Variants in CDH12 observed in about 807,000 individuals in gnomAD.
The protein encoded by CDH12 is cadherin 12, also known as cadherin-12.
CDH12 carries 41 observed loss-of-function variants against 74.1 expected under a neutral mutation model. That is an observed-to-expected ratio of 0.55 (90% CI 0.43 to 0.72). The LOEUF (loss-of-function observed/expected upper bound fraction) is 0.72, where lower values mean the gene tolerates loss of function less well. Ranked by LOEUF, CDH12 falls within the 30% of genes least tolerant of loss-of-function variation. The pLI is 0.00. For missense variants in CDH12, 945 were observed against 977.2 expected, an observed-to-expected ratio of 0.97 and a Z score of 0.44; for synonymous variants, 399 against 355.0, an observed-to-expected ratio of 1.12 and a Z score of -1.39.
chr5:22,442,780 A>T (rs1442461550), intron 2 of CDH12, among the ~76,000 whole-genome samples: 1 of 152,138 alleles, frequency 6.6e-6, no homozygotes, highest in Non-Finnish European at 1.5e-5. Context: ...ACTGACTAAA[A>T]ATAGTTGAGG....
chr5:22,639,450 T>C (rs78018361), intron 1 of CDH12, among the ~76,000 whole-genome samples: 6 of 127,716 alleles, frequency 4.7e-5, no homozygotes, highest in South Asian at 2.5e-4. Context: ...TTTTTTTTTT[T>C]CAAATTTTCA....
intron 4 of CDH12, among the ~76,000 whole-genome samples, chr5:22,160,692 A>G (rs1400575752): frequency 2.6e-5 from 4 of 152,138 alleles, no homozygotes; most frequent in Admixed American, 1.3e-4. Context: ...TTCGTAGGTC[A>G]CACCTTTTGG....
intron 3 of CDH12, among the ~76,000 whole-genome samples, chr5:22,287,215 C>T (rs914255671): frequency 3.3e-5 from 5 of 152,168 alleles, no homozygotes; most frequent in African/African-American, 4.8e-5. Flanking sequence ...TAAGAAGAGT[C>T]TCCTTTTGCC....
At chr5:22,470,026 A>G (rs1021520525) in intron 2 of CDH12, among the ~76,000 whole-genome samples, 2 of 152,152 alleles carry the variant, frequency 1.3e-5, no homozygotes, top group African/African-American at 4.8e-5. Context: ...AGAAAATGAA[A>G]TCTGCTGAGT....
intron 3 of CDH12, among the ~76,000 whole-genome samples, chr5:22,320,690 G>A (rs138943618): frequency 9.6e-4 from 146 of 152,242 alleles, no homozygotes; most frequent in Non-Finnish European, 9.0e-4. Flanking sequence ...ACATGAGATC[G>A]TTTGCTTTTC....
chr5:22,618,398 G>A (rs964207602), intron 1 of CDH12, among the ~76,000 whole-genome samples: 1 of 152,066 alleles, frequency 6.6e-6, no homozygotes, highest in Admixed American at 6.6e-5. Flanking sequence ...TCAGATATAC[G>A]CAATGGCAGC....
chr5:22,520,469 A>C (rs953579989), intron 1 of CDH12, among the ~76,000 whole-genome samples: 2 of 152,162 alleles, frequency 1.3e-5, no homozygotes, highest in Admixed American at 6.5e-5. Flanking sequence ...AACCTAAAGA[A>C]CACTTATGGA....
chr5:21,807,867 G>A (rs1747520482), intron 9 of CDH12, among the ~76,000 whole-genome samples: 1 of 151,996 alleles, frequency 6.6e-6, no homozygotes, highest in Admixed American at 6.6e-5. Context: ...TATATAATTA[G>A]GGTCCCTAAT....
Position 21,814,620 on chromosome 5 carries a change from G to A in CDH12, c.1002+2325C>T, listed in dbSNP as rs367658645. Among the ~76,000 whole-genome samples the A allele has an allele frequency of 1.2e-4, 18 of 150,900 alleles. No homozygotes were observed. In the East Asian group the frequency reaches 3.5e-3, roughly 29 times the overall value. ...AAAACATAAACATAAAACTATGTGTGTGAATATAAAGTAAGTTACAATAAT... is the reference window on the plus strand; with the variant it reads ...AAAACATAAACATAAAACTATGTGTATGAATATAAAGTAAGTTACAATAAT... On this transcript the variant is annotated intron_variant, in intron 9 of 14. Transcript: ENST00000382254.
In CDH12 at chr5:22,541,266, G is replaced by A. The variant is rs565758541; in HGVS notation, c.-522-35902C>T. ...AATCCCACCTGGCTATGCAGCTGCT[G>A]CAGGGCTTTGGCAGTTCGCCAGAAA... On this transcript the variant is annotated intron_variant, in intron 1 of 14. Coordinates refer to ENST00000382254, the MANE Select transcript of CDH12 (RefSeq NM_004061.5). 8.5e-5 allele frequency among the ~76,000 whole-genome samples: 13 copies of A among 152,328 alleles called. No individual in the cohort carries two copies. In the South Asian group the frequency reaches 2.7e-3, roughly 32 times the overall value.
intron 6 of CDH12, among the ~76,000 whole-genome samples, chr5:21,879,508 T>C (rs781161072): frequency 9.9e-5 from 15 of 152,194 alleles, no homozygotes; most frequent in Non-Finnish European, 2.2e-4. Flanking sequence ...AAAAGTTGAA[T>C]TAACTATACT....
rs981768658 is a variant in CDH12, at chr5:22,324,359, T to G, written c.-333+80898A>C. ...TTTTTATTCATGAGAAAAAGCTACC[T>G]AGCTTTATATATCTATATGTAATAG... On this transcript the variant is annotated intron_variant, in intron 3 of 14. Coordinates refer to ENST00000382254, the MANE Select transcript of CDH12 (RefSeq NM_004061.5). Among the ~76,000 whole-genome samples the G allele has an allele frequency of 7.2e-5, 11 of 152,162 alleles. No individual in the cohort carries two copies. In the East Asian group the frequency reaches 1.9e-3, roughly 27 times the overall value.
chr5:21,921,417 T>C (rs962042209), intron 6 of CDH12, among the ~76,000 whole-genome samples: 1 of 152,222 alleles, frequency 6.6e-6, no homozygotes, highest in African/African-American at 2.4e-5. Context: ...TGTTCTTTTT[T>C]TGAATTTGAC....
intron 1 of CDH12, among the ~76,000 whole-genome samples, chr5:22,635,773 G>C (rs979078116): frequency 6.6e-6 from 1 of 152,060 alleles, no homozygotes; most frequent in Non-Finnish European, 1.5e-5. Flanking sequence ...AATTAGCTGG[G>C]CGTAGTGGCA....
intron 1 of CDH12, among the ~76,000 whole-genome samples, chr5:22,684,013 G>A (rs1382811732): frequency 6.6e-6 from 1 of 152,176 alleles, no homozygotes; most frequent in Non-Finnish European, 1.5e-5. Flanking sequence ...CTGCAGTTAA[G>A]GACAATGTTA....
At chr5:21,940,732 A>C (rs1329113903) in intron 6 of CDH12, among the ~76,000 whole-genome samples, 4 of 152,184 alleles carry the variant, frequency 2.6e-5, no homozygotes, top group African/African-American at 9.7e-5. Context: ...ATGATATACA[A>C]TTGCTTCATG....
intron 4 of CDH12, among the ~76,000 whole-genome samples, chr5:22,082,357 T>G (rs1054520406): frequency 3.3e-5 from 5 of 152,146 alleles, no homozygotes; most frequent in Non-Finnish European, 5.9e-5. Flanking sequence ...GGGCCATTAT[T>G]AAGTAACCTA....
At chr5:21,799,746 G>C (rs1463434988) in intron 10 of CDH12, among the ~76,000 whole-genome samples, 1 of 152,310 alleles carries the variant, frequency 6.6e-6, no homozygotes, top group East Asian at 1.9e-4. Context: ...ATGTCACCAG[G>C]CTTGTGGAAT....
intron 3 of CDH12, among the ~76,000 whole-genome samples, chr5:22,329,920 T>G (rs545746260): frequency 6.6e-6 from 1 of 152,292 alleles, no homozygotes; most frequent in South Asian, 2.1e-4. Flanking sequence ...TGAAAGCCAG[T>G]CTAGGACACA....
Sources: gnomAD v4.1 joint callset for allele counts (sites outside exome capture counted in the v4.1 genomes callset) on GRCh38, gnomAD v4.1.1 for gene constraint, MANE v1.5 for transcripts, NCBI Gene and HGNC (gene_info 2026-07-23, HGNC 2026-07-21) for gene names.